Variants in IL17RD observed in about 807,000 individuals in gnomAD.
The protein encoded by IL17RD is interleukin-17 receptor D.
Under a neutral mutation model 80.5 loss-of-function variants are expected in IL17RD, and 52 were observed. The ratio of observed to expected loss-of-function variants is 0.65; its 90% CI spans 0.52 to 0.81. IL17RD has a LOEUF of 0.81. Among genes scored for constraint, IL17RD ranks in the 40% least tolerant of loss-of-function variants. IL17RD has a pLI of 0.00. For synonymous variants in IL17RD, 416 were observed against 391.8 expected (o/e 1.06, Z -0.73); for missense variants, 1,024 against 955.1 (o/e 1.07, Z -0.95).
rs1008745425 is a variant in IL17RD, at chr3:57,095,236, C to T, written c.*1157G>A. 6 of 152,208 alleles carry T rather than the reference C, an allele frequency of 3.9e-5. No individual in the cohort carries two copies. The highest frequency in any genetic ancestry group is 1.9e-4 in the East Asian group (1 of 5,198). The allele number at this position is 152,208 out of a possible 1,614,324, so 9.4% of individuals were successfully genotyped here. A position where few individuals can be genotyped will look rare whatever the true frequency, so the allele number is the denominator to read the frequency against. ...GGGAGAAGGGTTTCCACAGGGGAGACCAAGACAGCATTCATTACACACATG... is the reference window on the plus strand; with the variant it reads ...GGGAGAAGGGTTTCCACAGGGGAGATCAAGACAGCATTCATTACACACATG... On this transcript the variant is annotated 3_prime_UTR_variant, in exon 13 of 13. Transcript: ENST00000296318.
At chr3:57,105,528 C>T (rs1245714805) in intron 7 of IL17RD, among the ~76,000 whole-genome samples, 2 of 20,774 alleles carry the variant, frequency 9.6e-5, no homozygotes, top group Non-Finnish European at 2.8e-4. Flanking sequence ...CAGAGCAAGA[C>T]TCCATCTCAA....
chr3:57,123,332 G>A (rs1707380557), intron 1 of IL17RD, among the ~76,000 whole-genome samples: 1 of 152,190 alleles, frequency 6.6e-6, no homozygotes, highest in African/African-American at 2.4e-5. Context: ...CTGGCTCCCT[G>A]TCCCTCCAGA....
chr3:57,153,325 T>C (rs1217983982), intron 1 of IL17RD, among the ~76,000 whole-genome samples: 1 of 152,250 alleles, frequency 6.6e-6, no homozygotes, highest in African/African-American at 2.4e-5. Context: ...CCAGTTGATA[T>C]GTAAAATCCA....
intron 1 of IL17RD, among the ~76,000 whole-genome samples, chr3:57,164,283 C>T (rs1003179507): frequency 3.3e-5 from 5 of 152,170 alleles, no homozygotes; most frequent in African/African-American, 4.8e-5. Flanking sequence ...GACATCATCT[C>T]CAGGTTCTGG....
intron 2 of IL17RD, among the ~76,000 whole-genome samples, chr3:57,118,920 G>A (rs1707273099): frequency 6.6e-6 from 1 of 152,132 alleles, no homozygotes; most frequent in Non-Finnish European, 1.5e-5. Context: ...GAACTGATAG[G>A]TGGGGCCAGG....
chr3:57,152,228 C>T (rs2060231986), intron 1 of IL17RD, among the ~76,000 whole-genome samples: 1 of 152,196 alleles, frequency 6.6e-6, no homozygotes, highest in African/African-American at 2.4e-5. Context: ...ACCTTTGTGT[C>T]CAGCATGCAT....
intron 3 of IL17RD, among the ~76,000 whole-genome samples, chr3:57,114,053 G>T (rs764929518): frequency 1.5e-4 from 22 of 145,608 alleles, no homozygotes; most frequent in Non-Finnish European, 3.0e-4. Context: ...GTGTGGTGGT[G>T]GGCACTTATA....
rs1408269304 is a variant in IL17RD at position 57,165,145 on chromosome 3, G to A, written c.126+16C>T. On this transcript the variant is annotated intron_variant, in intron 1 of 12. Transcript: ENST00000296318. ...GCGAGTTGGCGACGGCAAGAAACCC[G>A]CCGCCCTCGCCTTACCCTCCAGCCA... The A allele has an allele frequency of 1.3e-6, 2 of 1,512,920 alleles. No homozygotes were observed. The highest frequency in any genetic ancestry group is 1.8e-6 in the Non-Finnish European group (2 of 1,133,632). The allele number at this position is 1,512,920 out of a possible 1,614,324, so 93.7% of individuals were successfully genotyped here.
In IL17RD at chr3:57,097,618, G is replaced by A. The variant is rs746411570; in HGVS notation, c.2085C>T (p.Ser695=). ...TACCCAGGCCTGAAGAGGAGGACAC[G>A]CTCTCCGTCAGGGAAGACGTTTCTG... ...DQTETSSLTE[S]VSSSSGLGEE... The change falls in exon 12 of 13, where the codon AGC becomes AGT. Residue 695 remains serine (S), a synonymous_variant. Transcript: ENST00000296318. 18 of 1,581,036 alleles carry A rather than the reference G, an allele frequency of 1.1e-5. No individual in the cohort carries two copies. The highest frequency in any genetic ancestry group is 1.5e-5 in the Non-Finnish European group (17 of 1,163,844).
chr3:57,128,036 G>A (rs1467841859), intron 1 of IL17RD, among the ~76,000 whole-genome samples: 1 of 152,206 alleles, frequency 6.6e-6, no homozygotes, highest in Non-Finnish European at 1.5e-5. Flanking sequence ...TCAAAAGCCA[G>A]CCTGGGCCTG....
chr3:57,105,552 A>AAAAAAAAAATATATAT, intron 7 of IL17RD, among the ~76,000 whole-genome samples: 19 of 63,586 alleles, frequency 3.0e-4, no homozygotes, highest in African/African-American at 6.5e-4. Flanking sequence ...AAAAAAAAAA[A>AAAAAAAAAATATATAT]ATATATATAT....
At chr3:57,164,366 C>A (rs919800025) in intron 1 of IL17RD, among the ~76,000 whole-genome samples, 9 of 152,214 alleles carry the variant, frequency 5.9e-5, no homozygotes, top group African/African-American at 1.2e-4. Flanking sequence ...CCGCGCCCAT[C>A]GCCCAGACAG....
rs572579652 is a variant in IL17RD at position 57,094,833 on chromosome 3, C to T, written c.*1560G>A. On this transcript the variant is annotated 3_prime_UTR_variant, in exon 13 of 13. Coordinates refer to ENST00000296318, the MANE Select transcript of IL17RD (RefSeq NM_017563.5). The stretch of plus-strand genomic sequence containing the variant: ...GGCAGTCTTGCAGCTCACTGTCTCT[C>T]CCTCAGAGCAGCTGCAAGAAACTTG... 6.5e-6 allele frequency: 1 copy of T among 152,726 alleles called. No homozygotes were observed. The highest frequency in any genetic ancestry group is 1.9e-4 in the East Asian group (1 of 5,188). 9.5% of individuals were successfully genotyped at this position (152,726 alleles called of 1,614,324 possible). A position where few individuals can be genotyped will look rare whatever the true frequency, so the allele number is the denominator to read the frequency against.
intron 1 of IL17RD, among the ~76,000 whole-genome samples, chr3:57,163,789 G>GA (rs1296078352): frequency 9.5e-6 from 1 of 105,698 alleles, no homozygotes; most frequent in Non-Finnish European, 1.9e-5. Flanking sequence ...ATGGGGCGGG[G>GA]GGGCGGGGGG....
chr3:57,148,403 A>AAGTC (rs2107533628), intron 1 of IL17RD, among the ~76,000 whole-genome samples: 1 of 152,274 alleles, frequency 6.6e-6, no homozygotes, highest in Non-Finnish European at 1.5e-5. Context: ...TTACGCTTTC[A>AAGTC]AGTCAGTCCT....
At position 57,096,305 on chromosome 3, in the gene IL17RD, C is replaced by G; in HGVS notation, c.*88G>C. 1.1e-6 allele frequency: 1 copy of G among 875,712 alleles called. No homozygotes were observed. The highest frequency in any genetic ancestry group is 2.0e-6 in the Non-Finnish European group (1 of 508,904). 54.2% of individuals were successfully genotyped at this position (875,712 alleles called of 1,614,324 possible). On this transcript the variant is annotated 3_prime_UTR_variant, in exon 13 of 13. Coordinates refer to ENST00000296318, the MANE Select transcript of IL17RD (RefSeq NM_017563.5). ...AATATCCTTGTATGAGACCTCAGCT[C>G]CAAGTGGGCCATGCAACCAGGGAGA...
At chr3:57,154,281 T>TACACACACACACACACACACACAC (rs1333665315) in intron 1 of IL17RD, among the ~76,000 whole-genome samples, 4 of 133,122 alleles carry the variant, frequency 3.0e-5, no homozygotes, top group African/African-American at 1.2e-4. Context: ...TATATATATA[T>TACACACACACACACACACACACAC]ATACACACAC....
chr3:57,157,804 T>C (rs1487030188), intron 1 of IL17RD, among the ~76,000 whole-genome samples: 4 of 152,166 alleles, frequency 2.6e-5, no homozygotes, highest in African/African-American at 9.7e-5. Flanking sequence ...ACACACCTCT[T>C]CGTTCCAAGG....
At chr3:57,162,349 A>T (rs2060311314) in intron 1 of IL17RD, among the ~76,000 whole-genome samples, 1 of 152,226 alleles carries the variant, frequency 6.6e-6, no homozygotes, top group Admixed American at 6.5e-5. Context: ...TCTGATTTGC[A>T]TCACATATAG....
Sources: allele counts gnomAD v4.1 joint callset (sites outside exome capture counted in the v4.1 genomes callset), GRCh38; gene constraint gnomAD v4.1.1; transcripts MANE v1.5; gene names NCBI Gene and HGNC (gene_info 2026-07-23, HGNC 2026-07-21).